PTPRG: variants seen among roughly 807,000 people sequenced by gnomAD.
PTPRG encodes receptor-type tyrosine-protein phosphatase gamma.
A neutral mutation model predicts 165.3 loss-of-function variants in PTPRG; 102 were observed. The observed-to-expected ratio is 0.62, with a 90% CI of 0.53 to 0.73. PTPRG has a LOEUF of 0.73. PTPRG is among the 30% of genes least tolerant of loss of function. The pLI is 0.00. For missense variants in PTPRG, 1,866 were observed against 1,861.4 expected (o/e 1.00, Z -0.05); for synonymous variants, 675 against 669.5 (o/e 1.01, Z -0.13).
Position 62,296,519 on chromosome 3 carries a change from A to C in PTPRG, c.*3212A>C, listed in dbSNP as rs569828197. ...TAAAAAAAAAACCCAACTCATCATA[A>C]TTTAAGAATCAAAATGTAGTTTGTC... On this transcript the variant is annotated 3_prime_UTR_variant, in exon 30 of 30. Transcript: ENST00000474889. 37 of 152,038 alleles carry C rather than the reference A, an allele frequency of 2.4e-4. No individual in the cohort carries two copies. Among genetic ancestry groups the C allele is most frequent in the Non-Finnish European group, 5.3e-4 (36 of 67,976 alleles). The allele number at this position is 152,038 out of a possible 1,614,324, so 9.4% of individuals were successfully genotyped here.
chr3:61,913,331 T>C (rs1183751089), intron 2 of PTPRG, among the ~76,000 whole-genome samples: 1 of 152,170 alleles, frequency 6.6e-6, no homozygotes, highest in Non-Finnish European at 1.5e-5. Flanking sequence ...GCCATTCTCC[T>C]GCCTCAGCCT....
intron 5 of PTPRG, among the ~76,000 whole-genome samples, chr3:62,125,089 C>T (rs1703237260): frequency 6.6e-6 from 1 of 152,150 alleles, no homozygotes; most frequent in Non-Finnish European, 1.5e-5. Flanking sequence ...CTGAGGGCCC[C>T]TAGCTTTGTC....
chr3:61,760,777 C>A lies in PTPRG; in HGVS notation c.190+11795C>A, dbSNP rs576123194. ...CCCTCGCCCCTCCCTGCTCTCCAGGCCCCAGTGTGTGTTGTTCTTTTCCCT... is the reference window on the plus strand; with the variant it reads ...CCCTCGCCCCTCCCTGCTCTCCAGGACCCAGTGTGTGTTGTTCTTTTCCCT... On this transcript the variant is annotated intron_variant, in intron 2 of 29. Transcript: ENST00000474889. 7.2e-5 allele frequency among the ~76,000 whole-genome samples: 11 copies of A among 152,290 alleles called. No homozygotes were observed. The East Asian group carries it at 1.7e-3, about 24-fold the overall frequency.
In PTPRG at chr3:62,255,325, G is replaced by C. The variant is rs1701514041; in HGVS notation, c.2559+110G>C. On this transcript the variant is annotated intron_variant, in intron 16 of 29. Coordinates refer to ENST00000474889, the MANE Select transcript of PTPRG (RefSeq NM_002841.4). This position sits in a 1 kb window ranked among gnomAD's most constrained non-coding sequence, Gnocchi z 4.0. ...CAAGCATAACAAAACAGTAACTACG[G>C]AAAGTGGAGTTTTTCTTTTCATCTA... The C allele has an allele frequency of 1.8e-5, 14 of 784,294 alleles. No homozygotes were observed. Among genetic ancestry groups the C allele is most frequent in the Non-Finnish European group, 2.8e-5 (14 of 495,700 alleles). The allele number at this position is 784,294 out of a possible 1,614,324, so 48.6% of individuals were successfully genotyped here. A position where few individuals can be genotyped will look rare whatever the true frequency, so the allele number is the denominator to read the frequency against.
At chr3:62,091,799 G>T (rs1701939782) in intron 5 of PTPRG, among the ~76,000 whole-genome samples, 1 of 151,964 alleles carries the variant, frequency 6.6e-6, no homozygotes, top group African/African-American at 2.4e-5. Flanking sequence ...GTGGAGGGGA[G>T]GTGGGAGTTG....
At chr3:62,276,027 G>C (rs909807135) in intron 24 of PTPRG, 61 bp downstream of exon 24, 17 of 1,248,272 alleles carry the variant, frequency 1.4e-5, no homozygotes, top group Non-Finnish European at 2.0e-5. Context: ...TAGGTACAGA[G>C]GCAGCCACTA....
chr3:62,064,576 G>A (rs183232972), intron 4 of PTPRG, among the ~76,000 whole-genome samples: 15 of 152,046 alleles, frequency 9.9e-5, no homozygotes, highest in Middle Eastern at 3.4e-3. Context: ...ATCGATGGTG[G>A]GGCATAGATA....
chr3:62,018,019 G>A, intron 4 of PTPRG, among the ~76,000 whole-genome samples: 1 of 152,160 alleles, frequency 6.6e-6, no homozygotes, highest in Non-Finnish European at 1.5e-5. Context: ...ACACTCCAAA[G>A]GTTATGAAGT....
chr3:62,289,188 AT>A (rs1420247642), intron 28 of PTPRG, among the ~76,000 whole-genome samples: 1 of 152,120 alleles, frequency 6.6e-6, no homozygotes. Flanking sequence ...AATGTGCCTT[AT>A]TTATTCAACC....
chr3:62,056,227 G>A (rs927123442), intron 4 of PTPRG, among the ~76,000 whole-genome samples: 2 of 152,232 alleles, frequency 1.3e-5, no homozygotes, highest in Non-Finnish European at 2.9e-5. Context: ...CAGTTGTCAT[G>A]GAATTGTAGA....
chr3:61,982,095 G>A (rs867261386), intron 2 of PTPRG, among the ~76,000 whole-genome samples: 7 of 152,036 alleles, frequency 4.6e-5, no homozygotes, highest in South Asian at 2.1e-4. Context: ...ATTATGTCTC[G>A]ATGGAAAGTC....
At chr3:62,049,544 G>T (rs1173865554) in intron 4 of PTPRG, among the ~76,000 whole-genome samples, 1 of 119,060 alleles carries the variant, frequency 8.4e-6, no homozygotes, top group East Asian at 2.4e-4. Context: ...TGGTGGATAG[G>T]ATTTTCATTG....
chr3:61,741,316 T>C (rs143015323), intron 1 of PTPRG, among the ~76,000 whole-genome samples: 132 of 152,300 alleles, frequency 8.7e-4, no homozygotes, highest in Non-Finnish European at 1.6e-3. Context: ...CTGTTGCTTG[T>C]TTTTAGTTGG....
chr3:61,815,242 CA>C (rs749800087), intron 2 of PTPRG, among the ~76,000 whole-genome samples: 32,795 of 109,952 alleles, frequency 0.3, 3,879 homozygotes, highest in East Asian at 0.36. Flanking sequence ...ACTAAAAATA[CA>C]AAAAAAAAAA....
rs565073669 is a variant in PTPRG, at chr3:61,627,058, G to A, written c.85+64686G>A. Among the ~76,000 whole-genome samples the A allele has an allele frequency of 3.3e-5, 5 of 152,164 alleles. No individual in the cohort carries two copies. In the South Asian group the frequency reaches 1.0e-3, roughly 32 times the overall value. Reference sequence around the variant, plus strand: ...GACTTGAGAGACCTGTCACCCAAATGCAGTGTGTGGACTTTGAATTTGAAC... The same window carrying A: ...GACTTGAGAGACCTGTCACCCAAATACAGTGTGTGGACTTTGAATTTGAAC... On this transcript the variant is annotated intron_variant, in intron 1 of 29. Transcript: ENST00000474889.
intron 4 of PTPRG, among the ~76,000 whole-genome samples, chr3:62,022,043 G>T (rs1026983279): frequency 2.0e-5 from 3 of 151,758 alleles, no homozygotes; most frequent in African/African-American, 7.3e-5. Flanking sequence ...TACAATTTAC[G>T]TTAAATTTTA....
chr3:62,225,843 C>A (rs971876329), intron 13 of PTPRG, among the ~76,000 whole-genome samples: 1 of 151,772 alleles, frequency 6.6e-6, no homozygotes, highest in Non-Finnish European at 1.5e-5. Context: ...TTGGTAGAGA[C>A]GGATTTTGCC....
chr3:62,158,936 A>T (rs1704639678), intron 7 of PTPRG, among the ~76,000 whole-genome samples: 1 of 152,202 alleles, frequency 6.6e-6, no homozygotes, highest in Non-Finnish European at 1.5e-5. Flanking sequence ...AAAAATAATA[A>T]AGTTACAGCC....
chr3:61,666,963 A>G (rs936774898), intron 1 of PTPRG, among the ~76,000 whole-genome samples: 4 of 152,238 alleles, frequency 2.6e-5, no homozygotes, highest in Middle Eastern at 3.2e-3. Context: ...TACATTTAGT[A>G]AAGAAATTAT....
Sources: gnomAD v4.1 joint callset for allele counts (sites outside exome capture counted in the v4.1 genomes callset) on GRCh38, gnomAD v4.1.1 for gene constraint, Gnocchi (gnomAD v3.1) non-coding constraint, MANE v1.5 for transcripts, NCBI Gene and HGNC (gene_info 2026-07-23, HGNC 2026-07-21) for gene names.